Variants in PRKCA observed in about 807,000 individuals in gnomAD.
The protein encoded by PRKCA is protein kinase C alpha.
Under a neutral mutation model 87.0 loss-of-function variants are expected in PRKCA, and 27 were observed. That is an observed-to-expected ratio of 0.31 (90% CI 0.23 to 0.43). PRKCA has a LOEUF of 0.43. Ranked by LOEUF, PRKCA falls within the 20% of genes least tolerant of loss-of-function variation. The probability of loss-of-function intolerance (pLI) is 1.00; values close to 1 mark genes in which losing one functional copy is unlikely to be tolerated. For synonymous variants in PRKCA, 329 were observed against 311.1 expected, an observed-to-expected ratio of 1.06 and a Z score of -0.61; for missense variants, 518 against 852.3, an observed-to-expected ratio of 0.61 and a Z score of 4.88.
chr17:66,496,525 T>C (rs1916482512), intron 3 of PRKCA, among the ~76,000 whole-genome samples: 1 of 152,204 alleles, frequency 6.6e-6, no homozygotes, highest in Non-Finnish European at 1.5e-5. Context: ...GGCAGCTGCA[T>C]TGACTAAATC....
At chr17:66,358,291 T>G (rs1229103833) in intron 2 of PRKCA, among the ~76,000 whole-genome samples, 1 of 152,194 alleles carries the variant, frequency 6.6e-6, no homozygotes, top group Non-Finnish European at 1.5e-5. Flanking sequence ...GCAGAGGAAC[T>G]CTTCCGTTGT....
At chr17:66,404,942 G>C (rs2143706448) in intron 2 of PRKCA, among the ~76,000 whole-genome samples, 1 of 151,858 alleles carries the variant, frequency 6.6e-6, no homozygotes, top group South Asian at 2.1e-4. Flanking sequence ...TAGAGACGGG[G>C]TTTCACCATG....
chr17:66,611,365 C>A (rs1338602475), intron 3 of PRKCA, among the ~76,000 whole-genome samples: 1 of 152,194 alleles, frequency 6.6e-6, no homozygotes, highest in African/African-American at 2.4e-5. Context: ...ATTATCCCGA[C>A]CCTTGGCAAC....
chr17:66,426,480 A>G (rs757036461), intron 2 of PRKCA, among the ~76,000 whole-genome samples: 14 of 152,190 alleles, frequency 9.2e-5, no homozygotes, highest in Admixed American at 4.6e-4. Context: ...AGACAGGAAG[A>G]CAGGAAGGAG....
intron 8 of PRKCA, among the ~76,000 whole-genome samples, chr17:66,718,387 AC>A (rs1973529713): frequency 6.6e-6 from 1 of 152,176 alleles, no homozygotes; most frequent in Non-Finnish European, 1.5e-5. Context: ...ATCACTGTTC[AC>A]TGCATCCTCG....
At chr17:66,385,824 CT>C (rs1910029214) in intron 2 of PRKCA, among the ~76,000 whole-genome samples, 1 of 152,192 alleles carries the variant, frequency 6.6e-6, no homozygotes, top group Non-Finnish European at 1.5e-5. Flanking sequence ...GTGGCGTGAT[CT>C]CAGCTCACTG....
At chr17:66,750,338 C>A (rs1034399754) in intron 13 of PRKCA, among the ~76,000 whole-genome samples, 1 of 152,150 alleles carries the variant, frequency 6.6e-6, no homozygotes, top group Non-Finnish European at 1.5e-5. Context: ...GGGTCATGGT[C>A]CAGTGACTCC....
chr17:66,407,805 C>A (rs1003116667), intron 2 of PRKCA, among the ~76,000 whole-genome samples: 1 of 152,024 alleles, frequency 6.6e-6, no homozygotes, highest in South Asian at 2.1e-4. Flanking sequence ...CAGAATTTTA[C>A]GATTTTCTAA....
chr17:66,647,595 C>A (rs1971487879), intron 5 of PRKCA, among the ~76,000 whole-genome samples: 1 of 152,184 alleles, frequency 6.6e-6, no homozygotes, highest in African/African-American at 2.4e-5. Flanking sequence ...ACCTCAAGAG[C>A]CTTGCAGATC....
chr17:66,380,663 G>T (rs1909727712), intron 2 of PRKCA, among the ~76,000 whole-genome samples: 1 of 152,072 alleles, frequency 6.6e-6, no homozygotes, highest in Non-Finnish European at 1.5e-5. Context: ...CAGTTCTCAT[G>T]AATAACTTAA....
At chr17:66,358,137 A>G (rs1908171895) in intron 2 of PRKCA, among the ~76,000 whole-genome samples, 1 of 152,196 alleles carries the variant, frequency 6.6e-6, no homozygotes, top group Non-Finnish European at 1.5e-5. Flanking sequence ...TCTAATTGAT[A>G]CACATGCACA....
chr17:66,449,507 C>T (rs1271395636), intron 2 of PRKCA, among the ~76,000 whole-genome samples: 1 of 152,192 alleles, frequency 6.6e-6, no homozygotes, highest in Non-Finnish European at 1.5e-5. Flanking sequence ...ACCAGTAGTA[C>T]ATCCTCAGCC....
intron 2 of PRKCA, among the ~76,000 whole-genome samples, chr17:66,328,127 C>G (rs1906097728): frequency 6.6e-6 from 1 of 152,178 alleles, no homozygotes; most frequent in African/African-American, 2.4e-5. Flanking sequence ...TCACTGCAAT[C>G]TCAATCTCCT....
chr17:66,581,923 C>T (rs1444214604), intron 3 of PRKCA, among the ~76,000 whole-genome samples: 2 of 152,172 alleles, frequency 1.3e-5, no homozygotes, highest in Non-Finnish European at 2.9e-5. Flanking sequence ...TTTAACTTCT[C>T]TGGGTCTGTT....
intron 3 of PRKCA, among the ~76,000 whole-genome samples, chr17:66,635,445 C>CGAGA (rs1971128173): frequency 6.6e-6 from 1 of 152,220 alleles, no homozygotes; most frequent in South Asian, 2.1e-4. Flanking sequence ...TTTGCCTGAG[C>CGAGA]TCTCATTCTG....
intron 5 of PRKCA, among the ~76,000 whole-genome samples, chr17:66,684,196 G>A (rs1972565695): frequency 6.6e-6 from 1 of 152,196 alleles, no homozygotes; most frequent in Non-Finnish European, 1.5e-5. Context: ...CCAGTAACTT[G>A]TATTAAGAGC....
chr17:66,773,290 T>C (rs1457145331), intron 13 of PRKCA, among the ~76,000 whole-genome samples: 2 of 152,214 alleles, frequency 1.3e-5, no homozygotes, highest in Non-Finnish European at 2.9e-5. Flanking sequence ...ATTTGCTTAC[T>C]ATATTTTATG....
intron 2 of PRKCA, among the ~76,000 whole-genome samples, chr17:66,444,814 G>A (rs1288116485): frequency 6.6e-6 from 1 of 152,154 alleles, no homozygotes; most frequent in Admixed American, 6.5e-5. Flanking sequence ...GCACCTGGTG[G>A]AGACAATAAA....
chr17:66,609,364 T>C (rs1970290169), intron 3 of PRKCA, among the ~76,000 whole-genome samples: 1 of 152,154 alleles, frequency 6.6e-6, no homozygotes, highest in African/African-American at 2.4e-5. Context: ...GAATGAGCAG[T>C]AAAGGTGCTG....
Sources: allele counts gnomAD v4.1 joint callset (sites outside exome capture counted in the v4.1 genomes callset), GRCh38; gene constraint gnomAD v4.1.1; transcripts MANE v1.5; gene names NCBI Gene and HGNC (gene_info 2026-07-23, HGNC 2026-07-21).